The following PCDHGA11 variants were observed in gnomAD, a reference collection of about 807,000 sequenced individuals.
PCDHGA11 encodes protocadherin gamma-A11.
Under a neutral mutation model 60.4 loss-of-function variants are expected in PCDHGA11, and 39 were observed. The ratio of observed to expected loss-of-function variants is 0.65; its 90% CI spans 0.50 to 0.84. The LOEUF (loss-of-function observed/expected upper bound fraction) is 0.84, where lower values mean the gene tolerates loss of function less well. Among genes scored for constraint, PCDHGA11 ranks in the 40% least tolerant of loss-of-function variants. The pLI is 0.00. For missense variants in PCDHGA11, 1,165 were observed against 1,197.7 expected (o/e 0.97, Z 0.40); for synonymous variants, 533 against 510.3 (o/e 1.04, Z -0.60).
intron 1 of PCDHGA11, among the ~76,000 whole-genome samples, chr5:141,481,730 G>C (rs778885944): frequency 6.6e-5 from 10 of 151,952 alleles, no homozygotes; most frequent in Non-Finnish European, 1.3e-4. Flanking sequence ...GAGGCGGGCG[G>C]ATCACGAGGT....
intron 1 of PCDHGA11, among the ~76,000 whole-genome samples, chr5:141,472,980 CAAAAA>C (rs60579131): frequency 1.2e-5 from 1 of 86,106 alleles, no homozygotes; most frequent in African/African-American, 3.9e-5. Flanking sequence ...GAGTGAAACT[CAAAAA>C]AAAAAAAAAA....
chr5:141,468,229 G>A (rs1363462610), intron 1 of PCDHGA11, among the ~76,000 whole-genome samples: 4 of 150,884 alleles, frequency 2.7e-5, no homozygotes, highest in Non-Finnish European at 5.9e-5. Flanking sequence ...GGAGGATGAG[G>A]TAGGAGAATT....
At chr5:141,446,143 T>G (rs2098490523) in intron 1 of PCDHGA11, among the ~76,000 whole-genome samples, 1 of 152,204 alleles carries the variant, frequency 6.6e-6, no homozygotes, top group Admixed American at 6.5e-5. Flanking sequence ...AATAATGGAA[T>G]AGGTGGAATA....
intron 1 of PCDHGA11, among the ~76,000 whole-genome samples, chr5:141,488,635 C>T (rs1476156734): frequency 6.6e-6 from 1 of 152,152 alleles, no homozygotes; most frequent in Non-Finnish European, 1.5e-5. Flanking sequence ...ACCTTAGCAG[C>T]ATTCAGCAGG....
Position 141,510,868 on chromosome 5 carries a change from T to C in PCDHGA11, c.2582-79T>C, listed in dbSNP as rs2099883142. 40 of 1,608,466 alleles carry C rather than the reference T, an allele frequency of 2.5e-5. No homozygotes were observed. The Middle Eastern group carries it at 4.9e-4, about 20-fold the overall frequency. On this transcript the variant is annotated intron_variant, in intron 3 of 3. Transcript: ENST00000398587. The stretch of plus-strand genomic sequence containing the variant: ...GCCCAGGGTGCTGTATAGGCATTCA[T>C]TAACTGCTGGGGATATAAGACAGTG...
At chr5:141,455,920 C>T (rs941360102) in intron 1 of PCDHGA11, among the ~76,000 whole-genome samples, 1 of 147,944 alleles carries the variant, frequency 6.8e-6, no homozygotes, top group Non-Finnish European at 1.5e-5. Context: ...TATTTTGAGA[C>T]GGAGTCTCGC....
At chr5:141,449,436 A>T (rs1177598228) in intron 1 of PCDHGA11, among the ~76,000 whole-genome samples, 1 of 151,792 alleles carries the variant, frequency 6.6e-6, no homozygotes, top group African/African-American at 2.4e-5. Flanking sequence ...ATAAAACTCC[A>T]TCTCTACTAA....
In PCDHGA11 at chr5:141,482,773, C is replaced by A. The variant is rs2009076; in HGVS notation, c.2434-12034C>A. ...ATTATGGTATTTCATTATCACTGAA[C>A]CTTAAACTGTGTGTGTGGCCGGGTA... On this transcript the variant is annotated intron_variant, in intron 1 of 3. Coordinates refer to ENST00000398587, the MANE Select transcript of PCDHGA11 (RefSeq NM_018914.3). 9.1e-3 allele frequency among the ~76,000 whole-genome samples: 1,158 copies of A among 127,768 alleles called. 29 individuals carry two copies. Among genetic ancestry groups the A allele is most frequent in the Middle Eastern group, 0.013 (3 of 228 alleles). 83.8% of individuals were successfully genotyped at this position (127,768 alleles called of 152,430 possible). A position where few individuals can be genotyped will look rare whatever the true frequency, so the allele number is the denominator to read the frequency against.
Position 141,491,509 on chromosome 5 carries a change from C to T in PCDHGA11, c.2434-3298C>T. 6.2e-7 allele frequency: 1 copy of T among 1,614,058 alleles called. No individual in the cohort carries two copies. Among genetic ancestry groups the T allele is most frequent in the Non-Finnish European group, 8.5e-7 (1 of 1,180,022 alleles). On this transcript the variant is annotated intron_variant, in intron 1 of 3. Coordinates refer to ENST00000398587, the MANE Select transcript of PCDHGA11 (RefSeq NM_018914.3). The surrounding 1 kb of genome is among the most constrained non-coding windows in gnomAD (Gnocchi z 6.9). Reference sequence around the variant, plus strand: ...CCTGCAGGTGAGCTCGGACGGCACGCTCAAGTACATGGAGGTGACGCTGCG... The same window carrying T: ...CCTGCAGGTGAGCTCGGACGGCACGTTCAAGTACATGGAGGTGACGCTGCG...
At chr5:141,510,900 G>A in intron 3 of PCDHGA11, 47 bp from the exon 4 acceptor site, 6 of 1,613,378 alleles carry the variant, frequency 3.7e-6, no homozygotes, top group Non-Finnish European at 5.1e-6. Context: ...AGTGACTGTT[G>A]AGGACCCTAA....
chr5:141,492,846 A>G (rs1404624093), intron 1 of PCDHGA11, among the ~76,000 whole-genome samples: 1 of 152,184 alleles, frequency 6.6e-6, no homozygotes, highest in African/African-American at 2.4e-5. Flanking sequence ...AGGAAGTGAA[A>G]GCCTCGAGCG....
chr5:141,428,194 T>C (rs2097123409), intron 1 of PCDHGA11: 1 of 1,414,108 alleles, frequency 7.1e-7, no homozygotes, highest in Admixed American at 1.8e-5. Flanking sequence ...CGCCGCTCTC[T>C]GCGCCGCTAC....
At position 141,489,318 on chromosome 5, in the gene PCDHGA11, G is replaced by T; in HGVS notation, c.2434-5489G>T. On this transcript the variant is annotated intron_variant, in intron 1 of 3. Coordinates refer to ENST00000398587, the MANE Select transcript of PCDHGA11 (RefSeq NM_018914.3). The surrounding 1 kb of genome is among the most constrained non-coding windows in gnomAD (Gnocchi z 4.5). ...TGTTGTCCTTGTGCTGCTGGGGCTG[G>T]GTGTCTGGGCAGCTTCGTTACTCAG... The T allele has an allele frequency of 6.3e-7, 1 of 1,599,092 alleles. No homozygotes were observed. Among genetic ancestry groups the T allele is most frequent in the Non-Finnish European group, 8.5e-7 (1 of 1,171,660 alleles).
Position 141,491,712 on chromosome 5 carries a change from G to C in PCDHGA11, c.2434-3095G>C. 3.1e-6 allele frequency: 5 copies of C among 1,609,408 alleles called. No individual in the cohort carries two copies. Among genetic ancestry groups the C allele is most frequent in the Middle Eastern group, 1.7e-4 (1 of 6,024 alleles). ...GGGAGCGGAGCCAGGTGAGGGGCTCGGCGCCGCCCCGGGCGACCCCTGGGG... is the reference window on the plus strand; with the variant it reads ...GGGAGCGGAGCCAGGTGAGGGGCTCCGCGCCGCCCCGGGCGACCCCTGGGG... On this transcript the variant is annotated intron_variant, in intron 1 of 3. Transcript: ENST00000398587. The surrounding 1 kb of genome is among the most constrained non-coding windows in gnomAD (Gnocchi z 6.9).
intron 1 of PCDHGA11, among the ~76,000 whole-genome samples, chr5:141,459,546 C>T (rs575349914): frequency 9.9e-5 from 15 of 152,102 alleles, no homozygotes; most frequent in African/African-American, 3.6e-4. Flanking sequence ...TTTTTTATTT[C>T]TCTTGGATAA....
intron 1 of PCDHGA11, among the ~76,000 whole-genome samples, chr5:141,460,963 G>A (rs760674165): frequency 3.0e-4 from 27 of 89,804 alleles, no homozygotes; most frequent in Admixed American, 4.3e-4. Context: ...ATATATATAT[G>A]TGTGTGTGTG....
chr5:141,454,796 ATTTTTT>A (rs61612330), intron 1 of PCDHGA11, among the ~76,000 whole-genome samples: 41 of 77,454 alleles, frequency 5.3e-4, no homozygotes, highest in African/African-American at 1.7e-3. Context: ...CATGGTTCTA[ATTTTTT>A]TTTTTTTTTT....
chr5:141,453,323 G>A (rs1313870724), intron 1 of PCDHGA11, among the ~76,000 whole-genome samples: 1 of 151,482 alleles, frequency 6.6e-6, no homozygotes, highest in Non-Finnish European at 1.5e-5. Context: ...TTTAGAGATG[G>A]GGTCTCACTA....
chr5:141,465,800 C>T (rs1486100601), intron 1 of PCDHGA11, among the ~76,000 whole-genome samples: 1 of 151,524 alleles, frequency 6.6e-6, no homozygotes, highest in African/African-American at 2.4e-5. Flanking sequence ...TTTAAGAAAC[C>T]CTTCAGGATC....
Sources: gnomAD v4.1 joint callset for allele counts (sites outside exome capture counted in the v4.1 genomes callset) on GRCh38, gnomAD v4.1.1 for gene constraint, Gnocchi (gnomAD v3.1) non-coding constraint, MANE v1.5 for transcripts, NCBI Gene and HGNC (gene_info 2026-07-23, HGNC 2026-07-21) for gene names.